Variants in ALK observed in about 807,000 individuals in gnomAD.
ALK encodes ALK receptor tyrosine kinase.
A neutral mutation model predicts 163.1 loss-of-function variants in ALK; 74 were observed. The observed-to-expected ratio is 0.45, with a 90% CI of 0.38 to 0.55. The LOEUF (loss-of-function observed/expected upper bound fraction) is 0.55. Among genes scored for constraint, ALK ranks in the 20% least tolerant of loss-of-function variants. The probability of loss-of-function intolerance (pLI) is 0.00; values close to 1 mark genes in which losing one functional copy is unlikely to be tolerated. For synonymous variants in ALK, 960 were observed against 843.2 expected, an observed-to-expected ratio of 1.14 and a Z score of -2.40; for missense variants, 2,063 against 2,105.3, an observed-to-expected ratio of 0.98 and a Z score of 0.39.
At chr2:29,890,123 G>T (rs150288511) in intron 1 of ALK, among the ~76,000 whole-genome samples, 1 of 152,148 alleles carries the variant, frequency 6.6e-6, no homozygotes, top group Non-Finnish European at 1.5e-5. Context: ...CTTGACAATT[G>T]ACTCTATGCC....
rs1388977013 is a variant in ALK, at chr2:29,223,452, G to A, written c.3249C>T (p.Leu1083=). The A allele has an allele frequency of 6.2e-7, 1 of 1,614,192 alleles. No homozygotes were observed. The highest frequency in any genetic ancestry group is 8.5e-7 in the Non-Finnish European group (1 of 1,180,038). ...AGTCGGTCATGATGGTCGAGGTGCG[G>A]AGCTTGCTCAGCTTGTACTCAGGGC... The part of the protein sequence containing the change: ...LQSPEYKLSK[L]RTSTIMTDYN... The change falls in exon 20 of 29, where the codon CTC becomes CTT. Residue 1083 remains leucine, a synonymous_variant. Coordinates refer to ENST00000389048, the MANE Select transcript of ALK (RefSeq NM_004304.5).
intron 3 of ALK, among the ~76,000 whole-genome samples, chr2:29,612,736 G>T (rs1469668240): frequency 1.3e-5 from 2 of 152,098 alleles, no homozygotes; most frequent in African/African-American, 4.8e-5. Context: ...AGTGGGGATG[G>T]GAAAATGGGA....
chr2:29,881,179 G>A (rs1666854589), intron 1 of ALK, among the ~76,000 whole-genome samples: 1 of 152,186 alleles, frequency 6.6e-6, no homozygotes, highest in Admixed American at 6.5e-5. Flanking sequence ...AATGCAGGCT[G>A]CTTTGCCCTC....
At chr2:29,552,208 G>A (rs1268962913) in intron 3 of ALK, among the ~76,000 whole-genome samples, 1 of 152,060 alleles carries the variant, frequency 6.6e-6, no homozygotes, top group Admixed American at 6.6e-5. Context: ...CCTTTTTAAG[G>A]TCATGGTATG....
intron 1 of ALK, among the ~76,000 whole-genome samples, chr2:29,860,477 G>A (rs1365059548): frequency 6.6e-6 from 1 of 151,118 alleles, no homozygotes; most frequent in Non-Finnish European, 1.5e-5. Context: ...GATTACACAG[G>A]CAGAAAATCA....
intron 4 of ALK, among the ~76,000 whole-genome samples, chr2:29,436,651 A>G (rs543950500): frequency 2.7e-4 from 41 of 152,278 alleles, no homozygotes; most frequent in African/African-American, 9.6e-4. Context: ...ATGTTCGCTC[A>G]TCAGCTGATA....
rs146256765 is a variant in ALK, at chr2:29,742,963, A to G, written c.668-25266T>C. ...ACTTCTTGTACTTTGGCAACGTCTCAGCCAAATATCACAATAATGGCCAGG... is the reference window on the plus strand; with the variant it reads ...ACTTCTTGTACTTTGGCAACGTCTCGGCCAAATATCACAATAATGGCCAGG... On this transcript the variant is annotated intron_variant, in intron 1 of 28. Transcript: ENST00000389048. Among the ~76,000 whole-genome samples, 1,197 of 152,370 alleles carry G rather than the reference A, an allele frequency of 7.9e-3. 14 individuals are homozygous for G. Among genetic ancestry groups the G allele is most frequent in the South Asian group, 0.045 (215 of 4,830 alleles).
In ALK at chr2:29,831,266, GAAGAAGAAGAAGAAGAAGAA is replaced by G. The variant is rs1665409169; in HGVS notation, c.667+88707_667+88726del. ...AGAAGAGGAAGAGGAAGAGGAAGAA[GAAGAAGAAGAAGAAGAAGAA>G]GAAGAAGAAGAAGAAGAAGAAGAAG... On this transcript the variant is annotated intron_variant, in intron 1 of 28. Transcript: ENST00000389048. 1.3e-4 allele frequency among the ~76,000 whole-genome samples: 12 copies of G among 89,814 alleles called. 3 individuals are homozygous for G. The highest frequency in any genetic ancestry group is 3.9e-4 in the African/African-American group (10 of 25,944). The allele number at this position is 89,814 out of a possible 152,430, so 58.9% of individuals were successfully genotyped here.
chr2:29,491,319 AG>A (rs763133820), intron 4 of ALK, among the ~76,000 whole-genome samples: 113 of 152,334 alleles, frequency 7.4e-4, no homozygotes, highest in Non-Finnish European at 1.3e-3. Flanking sequence ...TGCCTAGAAC[AG>A]GGCCGAGTTC....
chr2:29,541,011 C>G (rs1309930346), intron 3 of ALK, among the ~76,000 whole-genome samples: 1 of 152,068 alleles, frequency 6.6e-6, no homozygotes, highest in African/African-American at 2.4e-5. Context: ...ATAGACTATT[C>G]CAGACATTAG....
At chr2:29,695,223 G>A (rs932746049) in intron 2 of ALK, among the ~76,000 whole-genome samples, 16 of 152,188 alleles carry the variant, frequency 1.1e-4, no homozygotes, top group African/African-American at 3.6e-4. Flanking sequence ...TCATATTACG[G>A]GAGATGTTCT....
intron 1 of ALK, among the ~76,000 whole-genome samples, chr2:29,722,225 A>G (rs1164766103): frequency 6.6e-6 from 1 of 152,230 alleles, no homozygotes; most frequent in Non-Finnish European, 1.5e-5. Context: ...AGGAACTGTC[A>G]TGGCTGAGTA....
intron 3 of ALK, among the ~76,000 whole-genome samples, chr2:29,576,036 ACCTGCAAGAG>A (rs1165073553): frequency 6.6e-5 from 10 of 152,070 alleles, no homozygotes; most frequent in African/African-American, 2.2e-4. Flanking sequence ...ATAAGGAAGA[ACCTGCAAGAG>A]CCTGCAGTTA....
chr2:29,205,014 A>G (rs1669276974), intron 26 of ALK, among the ~76,000 whole-genome samples: 2 of 152,198 alleles, frequency 1.3e-5, no homozygotes, highest in Non-Finnish European at 2.9e-5. Context: ...GAAGAAAGTG[A>G]GAACACGCAG....
At chr2:29,909,578 C>T (rs538897375) in intron 1 of ALK, among the ~76,000 whole-genome samples, 1 of 151,802 alleles carries the variant, frequency 6.6e-6, no homozygotes, top group African/African-American at 2.4e-5. Flanking sequence ...TTAAGTTGTG[C>T]ATTCATACAG....
At chr2:29,349,117 A>G (rs1191199721) in intron 5 of ALK, among the ~76,000 whole-genome samples, 1 of 152,164 alleles carries the variant, frequency 6.6e-6, no homozygotes, top group Non-Finnish European at 1.5e-5. Context: ...TGTTGGCTGC[A>G]TTACTAGCTC....
At chr2:29,733,212 T>A (rs1679796716) in intron 1 of ALK, among the ~76,000 whole-genome samples, 1 of 152,124 alleles carries the variant, frequency 6.6e-6, no homozygotes, top group South Asian at 2.1e-4. Context: ...AAGTCATACA[T>A]GAAGTAAAGC....
intron 5 of ALK, among the ~76,000 whole-genome samples, chr2:29,351,626 C>A (rs1417575702): frequency 6.6e-6 from 1 of 152,202 alleles, no homozygotes; most frequent in East Asian, 1.9e-4. Flanking sequence ...CAATCAGATT[C>A]TCAGTTTGAG....
chr2:29,904,559 C>T (rs150936218), intron 1 of ALK, among the ~76,000 whole-genome samples: 367 of 152,264 alleles, frequency 2.4e-3, no homozygotes, highest in Admixed American at 4.6e-3. Context: ...ATCTTCAGTG[C>T]TCTAACCATG....
Sources: allele counts gnomAD v4.1 joint callset (sites outside exome capture counted in the v4.1 genomes callset), GRCh38; gene constraint gnomAD v4.1.1; transcripts MANE v1.5; gene names NCBI Gene and HGNC (gene_info 2026-07-23, HGNC 2026-07-21).